STEAP1B: variants seen among roughly 807,000 people sequenced by gnomAD.
STEAP1B encodes STEAP family member 1B.
Under a neutral mutation model 27.9 loss-of-function variants are expected in STEAP1B, and 13 were observed. That is an observed-to-expected ratio of 0.47 (90% CI 0.30 to 0.74). The LOEUF is 0.74. STEAP1B is among the 30% of genes least tolerant of loss of function. The pLI is 0.06. For synonymous variants in STEAP1B, 86 were observed against 107.1 expected (o/e 0.80, Z 1.22); for missense variants, 250 against 298.7 (o/e 0.84, Z 1.20).
chr7:22,490,228 T>C (rs1395443053), intron 4 of STEAP1B, among the ~76,000 whole-genome samples: 1 of 152,146 alleles, frequency 6.6e-6, no homozygotes, highest in Non-Finnish European at 1.5e-5. Context: ...TAAAACACTA[T>C]TTTCCTGGTG....
intron 4 of STEAP1B, among the ~76,000 whole-genome samples, chr7:22,436,119 A>G (rs1562567306): frequency 6.6e-6 from 1 of 152,218 alleles, no homozygotes; most frequent in Non-Finnish European, 1.5e-5. Flanking sequence ...AATATTATCC[A>G]GCCGTAGGGT....
chr7:22,430,199 T>C (rs1785159102), intron 4 of STEAP1B, among the ~76,000 whole-genome samples: 1 of 152,364 alleles, frequency 6.6e-6, no homozygotes. Flanking sequence ...ACTAAAACCC[T>C]TCTTATTGCT....
intron 4 of STEAP1B, among the ~76,000 whole-genome samples, chr7:22,481,445 G>A (rs1414311160): frequency 6.6e-6 from 1 of 152,174 alleles, no homozygotes; most frequent in Non-Finnish European, 1.5e-5. Flanking sequence ...TTCTGTAAGG[G>A]AAGCCTGGAG....
At chr7:22,490,749 G>T (rs115585637) in intron 4 of STEAP1B, among the ~76,000 whole-genome samples, 2,618 of 152,306 alleles carry the variant, frequency 0.017, 90 homozygotes, top group African/African-American at 0.06. Flanking sequence ...CTTTCATGAA[G>T]AAAGTAGTGT....
chr7:22,481,280 G>T (rs1276415803), intron 4 of STEAP1B, among the ~76,000 whole-genome samples: 1 of 152,216 alleles, frequency 6.6e-6, no homozygotes, highest in Non-Finnish European at 1.5e-5. Flanking sequence ...ATGGTGAAGA[G>T]CACAGACCTC....
chr7:22,421,494 G>A (rs778585113), intron 4 of STEAP1B, among the ~76,000 whole-genome samples: 1 of 152,228 alleles, frequency 6.6e-6, no homozygotes, highest in Non-Finnish European at 1.5e-5. Flanking sequence ...AGTGGAAGCT[G>A]CTTCATCTAT....
At chr7:22,445,184 T>G (rs2128402953) in intron 4 of STEAP1B, among the ~76,000 whole-genome samples, 1 of 152,224 alleles carries the variant, frequency 6.6e-6, no homozygotes, top group Non-Finnish European at 1.5e-5. Flanking sequence ...ATGAGCAGAG[T>G]AATTACAAAT....
At chr7:22,490,305 G>A (rs887676028) in intron 4 of STEAP1B, among the ~76,000 whole-genome samples, 6 of 152,054 alleles carry the variant, frequency 3.9e-5, no homozygotes, top group Non-Finnish European at 8.8e-5. Context: ...TTTCTCTAGT[G>A]TATTTCCAAA....
intron 4 of STEAP1B, among the ~76,000 whole-genome samples, chr7:22,441,592 T>A (rs116069988): frequency 0.015 from 2,222 of 152,354 alleles, 24 homozygotes; most frequent in South Asian, 0.067. Context: ...CTCCAAAAGA[T>A]GCTTTGAAGA....
chr7:22,450,599 GT>G (rs143262366), intron 4 of STEAP1B, among the ~76,000 whole-genome samples: 18,060 of 138,606 alleles, frequency 0.13, 1,142 homozygotes, highest in Non-Finnish European at 0.17. Flanking sequence ...CTGTAGTTTT[GT>G]TTTTTTTTTT....
chr7:22,476,506 C>T (rs1216074595), intron 4 of STEAP1B, among the ~76,000 whole-genome samples: 4 of 152,204 alleles, frequency 2.6e-5, no homozygotes, highest in African/African-American at 9.6e-5. Context: ...CCACCTGGGA[C>T]CTTCATTTAA....
At chr7:22,472,550 C>A (rs1042860006) in intron 4 of STEAP1B, among the ~76,000 whole-genome samples, 12 of 152,216 alleles carry the variant, frequency 7.9e-5, no homozygotes, top group African/African-American at 2.7e-4. Flanking sequence ...GGCAAGTTGA[C>A]AAGAGTAATT....
At chr7:22,461,817 C>T (rs547326560) in intron 4 of STEAP1B, among the ~76,000 whole-genome samples, 1 of 152,302 alleles carries the variant, frequency 6.6e-6, no homozygotes, top group East Asian at 1.9e-4. Flanking sequence ...CCAGATGTAA[C>T]CTATTCCAAC....
intron 4 of STEAP1B, among the ~76,000 whole-genome samples, chr7:22,457,724 C>T (rs2128406829): frequency 6.6e-6 from 1 of 152,304 alleles, no homozygotes; most frequent in East Asian, 1.9e-4. Context: ...GGGCTTGGGC[C>T]AAGCACAGAG....
chr7:22,492,074 C>A (rs1786332456), intron 4 of STEAP1B, among the ~76,000 whole-genome samples: 2 of 151,964 alleles, frequency 1.3e-5, no homozygotes, highest in Non-Finnish European at 2.9e-5. Context: ...GTAATCCCAG[C>A]ACTTTGGGAG....
At chr7:22,439,989 A>G (rs1785308216) in intron 4 of STEAP1B, among the ~76,000 whole-genome samples, 1 of 152,154 alleles carries the variant, frequency 6.6e-6, no homozygotes, top group South Asian at 2.1e-4. Flanking sequence ...CCTTTAAATA[A>G]CTACTTGGCA....
intron 4 of STEAP1B, among the ~76,000 whole-genome samples, chr7:22,429,119 C>T (rs529636309): frequency 6.6e-6 from 1 of 152,314 alleles, no homozygotes; most frequent in African/African-American, 2.4e-5. Flanking sequence ...AACAACTCAT[C>T]ATTATCCAGG....
intron 4 of STEAP1B, among the ~76,000 whole-genome samples, chr7:22,442,053 A>T (rs1785342117): frequency 6.6e-6 from 1 of 152,146 alleles, no homozygotes; most frequent in Non-Finnish European, 1.5e-5. Context: ...CTATGCTCCT[A>T]CCCACTTCCC....
chr7:22,494,503 A>C (rs1366219387), intron 2 of STEAP1B, among the ~76,000 whole-genome samples: 6 of 152,002 alleles, frequency 3.9e-5, no homozygotes, highest in Admixed American at 3.9e-4. Flanking sequence ...ATCTGGTCCA[A>C]GGCTTTCATG....
Sources: gnomAD v4.1 joint callset for allele counts (sites outside exome capture counted in the v4.1 genomes callset) on GRCh38, gnomAD v4.1.1 for gene constraint, MANE v1.5 for transcripts, NCBI Gene and HGNC (gene_info 2026-07-23, HGNC 2026-07-21) for gene names.